AK4: variants seen among roughly 807,000 people sequenced by gnomAD.
The protein encoded by AK4 is adenylate kinase 4, mitochondrial.
In AK4, 13 loss-of-function variants were observed where a neutral mutation model predicts 24.6. The ratio of observed to expected loss-of-function variants is 0.53; its 90% CI spans 0.34 to 0.84. AK4 has a LOEUF of 0.84. Ranked by LOEUF, AK4 falls within the 40% of genes least tolerant of loss-of-function variation. AK4 has a pLI of 0.01. For missense variants in AK4, 192 were observed against 288.2 expected, an observed-to-expected ratio of 0.67 and a Z score of 2.42; for synonymous variants, 88 against 107.0, an observed-to-expected ratio of 0.82 and a Z score of 1.10.
chr1:65,153,147 CTT>C (rs1157203929), intron 1 of AK4, among the ~76,000 whole-genome samples: 1 of 152,122 alleles, frequency 6.6e-6, no homozygotes, highest in African/African-American at 2.4e-5. Flanking sequence ...TTTTTGGTTT[CTT>C]TGAGGATTTT....
At chr1:65,185,925 A>G (rs1651084407) in intron 1 of AK4, among the ~76,000 whole-genome samples, 1 of 151,652 alleles carries the variant, frequency 6.6e-6, no homozygotes, top group Non-Finnish European at 1.5e-5. Context: ...TAATATGACC[A>G]TCTTAACTCA....
chr1:65,159,424 A>G (rs1212810781), intron 1 of AK4, among the ~76,000 whole-genome samples: 2 of 152,236 alleles, frequency 1.3e-5, no homozygotes, highest in African/African-American at 2.4e-5. Context: ...TGGGAGGCCA[A>G]GGCGGATGGA....
intron 2 of AK4, among the ~76,000 whole-genome samples, chr1:65,203,380 C>T (rs1651722203): frequency 6.6e-6 from 1 of 152,160 alleles, no homozygotes; most frequent in East Asian, 1.9e-4. Context: ...TACCTTGATA[C>T]TTACATAGAT....
intron 3 of AK4, among the ~76,000 whole-genome samples, chr1:65,220,558 G>A (rs1391098395): frequency 2.6e-5 from 4 of 152,044 alleles, no homozygotes; most frequent in Non-Finnish European, 5.9e-5. Flanking sequence ...TCACTGCAAC[G>A]TCCGCCTCCT....
At chr1:65,156,479 A>AT (rs955528583) in intron 1 of AK4, among the ~76,000 whole-genome samples, 3 of 152,122 alleles carry the variant, frequency 2.0e-5, no homozygotes, top group Admixed American at 2.0e-4. Flanking sequence ...TATCTGCATT[A>AT]TTTTTTATTG....
chr1:65,166,346 G>GTC (rs1296967628), intron 1 of AK4, among the ~76,000 whole-genome samples: 1 of 147,710 alleles, frequency 6.8e-6, no homozygotes, highest in African/African-American at 2.5e-5. Context: ...GTGTGTGTGT[G>GTC]TGTGTTTACC....
rs1224533492 is a variant in AK4, at chr1:65,229,590, C to T, written c.*3413C>T. 4 of 151,886 alleles carry T rather than the reference C, an allele frequency of 2.6e-5. No individual in the cohort carries two copies. The highest frequency in any genetic ancestry group is 9.7e-5 in the African/African-American group (4 of 41,360). The allele number at this position is 151,886 out of a possible 1,614,324, so 9.4% of individuals were successfully genotyped here. On this transcript the variant is annotated 3_prime_UTR_variant, in exon 5 of 5. Transcript: ENST00000327299. ...GTGATGTTCACCTTTTTATGACATT[C>T]CTTTTTCTTAGCTTAAGAAAAGAAA...
chr1:65,153,075 G>A (rs1049575603), intron 1 of AK4, among the ~76,000 whole-genome samples: 2 of 152,150 alleles, frequency 1.3e-5, no homozygotes, highest in Admixed American at 1.3e-4. Context: ...TCAAGCAAGG[G>A]TCTGACTGGT....
intron 1 of AK4, among the ~76,000 whole-genome samples, chr1:65,186,451 A>G (rs879582016): frequency 1.2e-4 from 18 of 152,028 alleles, no homozygotes; most frequent in Non-Finnish European, 2.2e-4. Context: ...TTTATGGGTC[A>G]TCTAATATAT....
intron 2 of AK4, among the ~76,000 whole-genome samples, chr1:65,213,136 T>A (rs1343164071): frequency 6.6e-6 from 1 of 152,198 alleles, no homozygotes; most frequent in Non-Finnish European, 1.5e-5. Context: ...GCACGTGCAC[T>A]AGTTCCTTGG....
At chr1:65,208,098 G>A (rs2101067502) in intron 2 of AK4, among the ~76,000 whole-genome samples, 1 of 152,246 alleles carries the variant, frequency 6.6e-6, no homozygotes, top group South Asian at 2.1e-4. Context: ...AGTTCTTTGG[G>A]AAATCTCCAC....
At chr1:65,167,634 G>A (rs1650377665) in intron 1 of AK4, among the ~76,000 whole-genome samples, 1 of 152,116 alleles carries the variant, frequency 6.6e-6, no homozygotes, top group African/African-American at 2.4e-5. Context: ...CAATGAATGT[G>A]TTAATTTTAA....
upstream of AK4, chr1:65,148,160 G>C (rs150746311): frequency 4.8e-3 from 3,640 of 750,630 alleles, 11 homozygotes; most frequent in Middle Eastern, 0.017. Flanking sequence ...GGTGGAGGAG[G>C]GCGAGGAGGT....
chr1:65,187,426 G>GA (rs1651140318), intron 1 of AK4, among the ~76,000 whole-genome samples: 1 of 152,006 alleles, frequency 6.6e-6, no homozygotes, highest in South Asian at 2.1e-4. Flanking sequence ...CTGGGGGCGA[G>GA]AGGGAGATGA....
intron 1 of AK4, among the ~76,000 whole-genome samples, chr1:65,184,356 A>C (rs1450808782): frequency 3.3e-5 from 5 of 152,178 alleles, no homozygotes; most frequent in African/African-American, 1.2e-4. Flanking sequence ...CTGAAGAAAG[A>C]TTTTTTATAT....
rs372590300 is a variant in AK4 at position 65,168,239 on chromosome 1, C to T, written c.145+19687C>T. Among the ~76,000 whole-genome samples, 51 of 151,826 alleles carry T rather than the reference C, an allele frequency of 3.4e-4. 1 individual carries two copies. Among genetic ancestry groups the T allele is most frequent in the African/African-American group, 1.1e-3 (46 of 41,368 alleles). On this transcript the variant is annotated intron_variant, in intron 1 of 4. Coordinates refer to ENST00000327299, the MANE Select transcript of AK4 (RefSeq NM_013410.4). The stretch of plus-strand genomic sequence containing the variant: ...CTCAGCTTATTGCAACTCCGCCTCC[C>T]GGGTTCAAGCTATTCTCCTGCCTCA...
intron 1 of AK4, among the ~76,000 whole-genome samples, chr1:65,179,740 C>T (rs552602171): frequency 2.6e-5 from 4 of 151,944 alleles, no homozygotes; most frequent in South Asian, 2.1e-4. Flanking sequence ...GAGGCTGAGG[C>T]GGGAGAATCG....
chr1:65,218,786 C>T lies in AK4; in HGVS notation c.298C>T (p.Leu100=), dbSNP rs775277025. 8 of 1,590,972 alleles carry T rather than the reference C, an allele frequency of 5.0e-6. No homozygotes were observed. In the African/African-American group the frequency reaches 5.4e-5, roughly 11 times the overall value. ...FPRTLGQAEA[L]DKICEVDLVI... ...TAGGACATTAGGACAAGCCGAAGCC[C>T]TGGACAAAATCTGTGAAGTGGATCT... The change falls in exon 3 of 5, where the codon CTG becomes TTG. Residue 100 remains leucine, a synonymous_variant. Coordinates refer to ENST00000327299, the MANE Select transcript of AK4 (RefSeq NM_013410.4).
Position 65,163,657 on chromosome 1 carries a change from G to A in AK4, c.145+15105G>A, listed in dbSNP as rs553209933. 1.3e-3 allele frequency among the ~76,000 whole-genome samples: 201 copies of A among 152,364 alleles called. 1 individual carries two copies. Among genetic ancestry groups the A allele is most frequent in the African/African-American group, 4.7e-3 (194 of 41,588 alleles). ...TCCCGATGGGCTCACCTTGCCTGCT[G>A]CCTAGACAGAGCGGATTTATCAAGA... On this transcript the variant is annotated intron_variant, in intron 1 of 4. Transcript: ENST00000327299.
Sources: gnomAD v4.1 joint callset for allele counts (sites outside exome capture counted in the v4.1 genomes callset) on GRCh38, gnomAD v4.1.1 for gene constraint, MANE v1.5 for transcripts, NCBI Gene and HGNC (gene_info 2026-07-23, HGNC 2026-07-21) for gene names.